PPP3CA: variants seen among roughly 807,000 people sequenced by gnomAD.
PPP3CA encodes the protein CAM-PRP catalytic subunit.
PPP3CA carries 14 observed loss-of-function variants against 66.5 expected under a neutral mutation model. The observed-to-expected ratio is 0.21, with a 90% CI of 0.14 to 0.33. The LOEUF is 0.33. Ranked by LOEUF, PPP3CA falls within the 10% of genes least tolerant of loss-of-function variation. The pLI is 1.00. For missense variants in PPP3CA, 317 were observed against 639.5 expected (o/e 0.50, Z 5.44); for synonymous variants, 232 against 226.2 (o/e 1.03, Z -0.23).
chr4:101,066,511 T>C (rs1728686697), intron 8 of PPP3CA, among the ~76,000 whole-genome samples: 1 of 152,162 alleles, frequency 6.6e-6, no homozygotes, highest in Admixed American at 6.6e-5. Flanking sequence ...TAAATAGAAT[T>C]TATTTTTCTC....
intron 2 of PPP3CA, among the ~76,000 whole-genome samples, chr4:101,128,698 G>A (rs911206501): frequency 2.0e-5 from 3 of 151,940 alleles, no homozygotes; most frequent in Non-Finnish European, 4.4e-5. Flanking sequence ...GTGCTGTGAG[G>A]GACAGTGCTC....
chr4:101,229,531 T>A (rs1725892151), intron 1 of PPP3CA, among the ~76,000 whole-genome samples: 1 of 151,742 alleles, frequency 6.6e-6, no homozygotes, highest in South Asian at 2.1e-4. Context: ...AAGAACTGTA[T>A]TTGCTTCCTA....
At chr4:101,172,123 C>G (rs1055087568) in intron 2 of PPP3CA, among the ~76,000 whole-genome samples, 1 of 152,052 alleles carries the variant, frequency 6.6e-6, no homozygotes, top group Non-Finnish European at 1.5e-5. Flanking sequence ...TCCAGAGTAC[C>G]GCTTGACTCT....
chr4:101,134,253 A>G (rs1292891016), intron 2 of PPP3CA, among the ~76,000 whole-genome samples: 1 of 152,196 alleles, frequency 6.6e-6, no homozygotes, highest in Non-Finnish European at 1.5e-5. Context: ...ATCTAATTAA[A>G]CTAAAGAGCT....
At chr4:101,259,981 A>G (rs1726961950) in intron 1 of PPP3CA, among the ~76,000 whole-genome samples, 1 of 152,176 alleles carries the variant, frequency 6.6e-6, no homozygotes, top group Non-Finnish European at 1.5e-5. Flanking sequence ...CAATGTTAAT[A>G]GTAATTACTC....
intron 10 of PPP3CA, among the ~76,000 whole-genome samples, chr4:101,056,720 C>T (rs564721800): frequency 2.0e-5 from 3 of 152,088 alleles, no homozygotes; most frequent in African/African-American, 7.2e-5. Flanking sequence ...AAATAAGGAG[C>T]CTGGCAAGCA....
intron 6 of PPP3CA, among the ~76,000 whole-genome samples, chr4:101,091,110 T>C (rs1278676634): frequency 6.6e-6 from 1 of 152,118 alleles, no homozygotes; most frequent in African/African-American, 2.4e-5. Context: ...TAGAATGCTA[T>C]ACTATTATTA....
intron 5 of PPP3CA, among the ~76,000 whole-genome samples, chr4:101,098,122 T>C (rs903761439): frequency 2.6e-5 from 4 of 152,174 alleles, no homozygotes; most frequent in African/African-American, 9.7e-5. Flanking sequence ...TCAAATATTT[T>C]ATATTTCCAA....
rs572890634 is a variant in PPP3CA, at chr4:101,344,345, T to C, written c.58+2394A>G. On this transcript the variant is annotated intron_variant, in intron 1 of 13. Transcript: ENST00000394854. The stretch of plus-strand genomic sequence containing the variant: ...CAAATAACTAATAATAAAAATCTTA[T>C]GTATGACAAAAGGTTGAATCCAACC... Among the ~76,000 whole-genome samples, 9 of 152,306 alleles carry C rather than the reference T, an allele frequency of 5.9e-5. No individual in the cohort carries two copies. The East Asian group carries it at 1.2e-3, about 20-fold the overall frequency.
chr4:101,286,262 A>C (rs1014600760), intron 1 of PPP3CA, among the ~76,000 whole-genome samples: 3 of 152,238 alleles, frequency 2.0e-5, no homozygotes, highest in African/African-American at 7.2e-5. Flanking sequence ...CTAACAGGCC[A>C]CAGACTGCTA....
At chr4:101,043,580 T>C (rs935568658) in intron 10 of PPP3CA, among the ~76,000 whole-genome samples, 1 of 151,822 alleles carries the variant, frequency 6.6e-6, no homozygotes, top group Non-Finnish European at 1.5e-5. Context: ...AAACTCTCCT[T>C]TTCAAATTTC....
rs199710610 is a variant in PPP3CA at position 101,153,920 on chromosome 4, G to GA, written c.259+41995dup. 4.3e-3 allele frequency among the ~76,000 whole-genome samples: 633 copies of GA among 146,600 alleles called. 6 individuals are homozygous for GA. Among genetic ancestry groups the GA allele is most frequent in the Non-Finnish European group, 7.3e-3 (487 of 66,380 alleles). On this transcript the variant is annotated intron_variant, in intron 2 of 13. Coordinates refer to ENST00000394854, the MANE Select transcript of PPP3CA (RefSeq NM_000944.5). ...GGTTGTACAGGATGTGGATTCTACA[G>GA]AAAAAAAAAAGCACAATACATTTGG...
chr4:101,024,506 G>A lies in PPP3CA; in HGVS notation c.*1359C>T, dbSNP rs1338403253. 6.6e-6 allele frequency: 1 copy of A among 152,520 alleles called. No homozygotes were observed. Among genetic ancestry groups the A allele is most frequent in the Non-Finnish European group, 1.5e-5 (1 of 67,998 alleles). The allele number at this position is 152,520 out of a possible 1,614,324, so 9.4% of individuals were successfully genotyped here. ...TAAAAAATATGAATGGACTTTTGTT[G>A]TTGTTGTTTTCAGAATGAACCAGTT... On this transcript the variant is annotated 3_prime_UTR_variant, in exon 14 of 14. Transcript: ENST00000394854.
rs59903630 is a variant in PPP3CA at position 101,237,589 on chromosome 4, TATC to T, written c.59-41476_59-41474del. Among the ~76,000 whole-genome samples the T allele has an allele frequency of 7.3e-3, 1,105 of 152,220 alleles. 10 individuals carry two copies. Among genetic ancestry groups the T allele is most frequent in the African/African-American group, 0.025 (1,056 of 41,556 alleles). On this transcript the variant is annotated intron_variant, in intron 1 of 13. Coordinates refer to ENST00000394854, the MANE Select transcript of PPP3CA (RefSeq NM_000944.5). ...CTTCTTACTCTACTGGCTTTCATAATATCATGCACTAGCATCTATTACAACCAC... is the reference window on the plus strand; with the variant it reads ...CTTCTTACTCTACTGGCTTTCATAATATGCACTAGCATCTATTACAACCAC...
At chr4:101,278,149 T>TAAAAAAAAAAAAAAAAAAAAAAAAA (rs1200528599) in intron 1 of PPP3CA, among the ~76,000 whole-genome samples, 20 of 119,560 alleles carry the variant, frequency 1.7e-4, no homozygotes, top group African/African-American at 7.7e-4. Context: ...ATAAAAAAAT[T>TAAAAAAAAAAAAAAAAAAAAAAAAA]AAAAAGTTAT....
chr4:101,187,684 T>C (rs1401903546), intron 2 of PPP3CA, among the ~76,000 whole-genome samples: 1 of 152,182 alleles, frequency 6.6e-6, no homozygotes, highest in Non-Finnish European at 1.5e-5. Context: ...TGAGAATCTC[T>C]TATTCGCCAA....
In PPP3CA at chr4:101,346,735, T is replaced by C. The variant is rs752339001; in HGVS notation, c.58+4A>G. On this transcript the variant is annotated splice_donor_region_variant and intron_variant, in intron 1 of 13. Transcript: ENST00000394854. ...CACCCAGGCCACCGCGGCGCTCCGCTTACCTTTCACCACCCTGTCGGTCGT... is the reference window on the plus strand; with the variant it reads ...CACCCAGGCCACCGCGGCGCTCCGCCTACCTTTCACCACCCTGTCGGTCGT... The C allele has an allele frequency of 3.2e-5, 51 of 1,610,634 alleles. No homozygotes were observed. The highest frequency in any genetic ancestry group is 4.1e-5 in the Non-Finnish European group (48 of 1,178,804).
intron 2 of PPP3CA, among the ~76,000 whole-genome samples, chr4:101,189,036 C>A (rs1025319873): frequency 1.3e-5 from 2 of 152,200 alleles, no homozygotes; most frequent in South Asian, 4.1e-4. Context: ...TAAGAAACAA[C>A]TTCCAAACAG....
chr4:101,247,532 C>T lies in PPP3CA; in HGVS notation c.59-51416G>A, dbSNP rs531600127. On this transcript the variant is annotated intron_variant, in intron 1 of 13. Transcript: ENST00000394854. ...TCCTATGTCCCATTATACTATTCTG[C>T]ATTTTGTACTAAACACAGTATGAGC... 7.2e-5 allele frequency among the ~76,000 whole-genome samples: 11 copies of T among 152,228 alleles called. No individual in the cohort carries two copies. The East Asian group carries it at 1.5e-3, about 21-fold the overall frequency.
Sources: gnomAD v4.1 joint callset for allele counts (sites outside exome capture counted in the v4.1 genomes callset) on GRCh38, gnomAD v4.1.1 for gene constraint, MANE v1.5 for transcripts, NCBI Gene and HGNC (gene_info 2026-07-23, HGNC 2026-07-21) for gene names.